Variants in ATP13A1 observed in about 807,000 individuals in gnomAD.
ATP13A1 encodes the protein ATPase 13A1, also known as endoplasmic reticulum transmembrane helix translocase.
Under a neutral mutation model 134.8 loss-of-function variants are expected in ATP13A1, and 55 were observed. That is an observed-to-expected ratio of 0.41 (90% CI 0.33 to 0.51). The LOEUF is 0.51. Ranked by LOEUF, ATP13A1 falls within the 20% of genes least tolerant of loss-of-function variation. The probability of loss-of-function intolerance (pLI) is 0.29; values close to 1 mark genes in which losing one functional copy is unlikely to be tolerated. For synonymous variants in ATP13A1, 775 were observed against 725.1 expected (o/e 1.07, Z -1.10); for missense variants, 1,389 against 1,652.8 (o/e 0.84, Z 2.77).
Position 19,647,619 on chromosome 19 carries a change from C to G in ATP13A1, c.2773G>C (p.Glu925Gln). 1 of 1,613,420 alleles carries G rather than the reference C, an allele frequency of 6.2e-7. No homozygotes were observed. The highest frequency in any genetic ancestry group is 8.5e-7 in the Non-Finnish European group (1 of 1,179,828). The change falls in exon 20 of 26, where the codon GAG becomes CAG. Residue 925 changes from glutamate to glutamine, a missense_variant. Around this residue, in one of 4 missense-constraint regions of ATP13A1, gnomAD observed 121 missense variants for 104.9 expected, o/e 1.15. Coordinates refer to ENST00000357324, the MANE Select transcript of ATP13A1 (RefSeq NM_020410.3). The surrounding 1 kb of genome is among the most constrained non-coding windows in gnomAD (Gnocchi z 4.8). ...KQRSGLPPSEEQPTSQRDRLS... is the reference protein window; with the variant it reads ...KQRSGLPPSEQQPTSQRDRLS... ...CTCACCCTCTGGGAGGTTGGCTGCT[C>G]CTCGGAGGGAGGGAGCCCCGACCGC...
In ATP13A1 at chr19:19,655,342, G is replaced by C. The variant is rs1264135133; in HGVS notation, c.1508C>G (p.Thr503Ser). 2 of 1,613,992 alleles carry C rather than the reference G, an allele frequency of 1.2e-6. No homozygotes were observed. The highest frequency in any genetic ancestry group is 1.1e-5 in the South Asian group (1 of 91,080). The change falls in exon 11 of 26, where the codon ACC becomes AGC. Residue 503 changes from threonine (T) to serine (S), a missense_variant. Physicochemically the swap from Thr to Ser is moderately conservative, Grantham distance 58 (BLOSUM62 1). Around this residue, in one of 4 missense-constraint regions of ATP13A1, gnomAD observed 747 missense variants for 956.1 expected, o/e 0.78. Coordinates refer to ENST00000357324, the MANE Select transcript of ATP13A1 (RefSeq NM_020410.3). This position sits in a 1 kb window ranked among gnomAD's most constrained non-coding sequence, Gnocchi z 5.7. ...GAGCTTGGCCAGGGCGATGAGGGAGGTGTTGACGGCCAGGGACAGCTCGAT... is the reference window on the plus strand; with the variant it reads ...GAGCTTGGCCAGGGCGATGAGGGAGCTGTTGACGGCCAGGGACAGCTCGAT... ...LPIELSLAVN[T>S]SLIALAKLYM...
intron 17 of ATP13A1, chr19:19,651,451 G>C: frequency 2.4e-6 from 1 of 420,880 alleles, no homozygotes; most frequent in Non-Finnish European, 4.3e-6. Flanking sequence ...CTGGCAGTCA[G>C]ACTATCGCCT....
At chr19:19,654,250 G>A (rs1461725720) in intron 13 of ATP13A1, 106 bp from the exon 14 acceptor site, 1 of 1,227,732 alleles carries the variant, frequency 8.1e-7, no homozygotes, top group Non-Finnish European at 1.1e-6. Flanking sequence ...CTCCCCCAGG[G>A]CCTGATCGGG....
chr19:19,653,762 CA>C lies in ATP13A1; in HGVS notation c.2100+21del. 6.5e-7 allele frequency: 1 copy of C among 1,532,512 alleles called. No individual in the cohort carries two copies. The highest frequency in any genetic ancestry group is 8.8e-7 in the Non-Finnish European group (1 of 1,131,350). 94.9% of individuals were successfully genotyped at this position (1,532,512 alleles called of 1,614,324 possible). A position where few individuals can be genotyped will look rare whatever the true frequency, so the allele number is the denominator to read the frequency against. Reference sequence around the variant, plus strand: ...TGACGGGCCAGGCACATGGTGAAGGCAGGGGGAGCCTGGGCCCGTACCTGCT... The same window carrying C: ...TGACGGGCCAGGCACATGGTGAAGGCGGGGGAGCCTGGGCCCGTACCTGCT... On this transcript the variant is annotated intron_variant, in intron 15 of 25. Transcript: ENST00000357324. This position sits in a 1 kb window ranked among gnomAD's most constrained non-coding sequence, Gnocchi z 4.2.
rs1329308606 is a variant in ATP13A1 at position 19,647,880 on chromosome 19, T to A, written c.2633-121A>T. 6 of 1,279,386 alleles carry A rather than the reference T, an allele frequency of 4.7e-6. No individual in the cohort carries two copies. The highest frequency in any genetic ancestry group is 6.3e-6 in the Non-Finnish European group (6 of 952,226). 79.3% of individuals were successfully genotyped at this position (1,279,386 alleles called of 1,614,324 possible). ...GCTCCCGTGAGGACAGTTCCCAGAC[T>A]TCCCCATTTCACCTGACACCCTAAG... On this transcript the variant is annotated intron_variant, in intron 19 of 25. Coordinates refer to ENST00000357324, the MANE Select transcript of ATP13A1 (RefSeq NM_020410.3). The surrounding 1 kb of genome is among the most constrained non-coding windows in gnomAD (Gnocchi z 4.8).
intron 3 of ATP13A1, among the ~76,000 whole-genome samples, chr19:19,658,344 C>T (rs755156874): frequency 4.6e-5 from 7 of 151,970 alleles, no homozygotes; most frequent in Non-Finnish European, 8.8e-5. Flanking sequence ...AAAGAGCAAC[C>T]CCACTGCTAT....
Position 19,654,089 on chromosome 19 carries a change from G to A in ATP13A1, c.1869C>T (p.Arg623=), listed in dbSNP as rs529982287. 1 of 1,592,868 alleles carries A rather than the reference G, an allele frequency of 6.3e-7. No individual in the cohort carries two copies. Among genetic ancestry groups the A allele is most frequent in the Non-Finnish European group, 8.5e-7 (1 of 1,169,860 alleles). The change falls in exon 14 of 26, where the codon CGC becomes CGT. Residue 623 remains arginine (R), a synonymous_variant. Coordinates refer to ENST00000357324, the MANE Select transcript of ATP13A1 (RefSeq NM_020410.3). ...IKTQGLKIHQ[R]FHFASALKRM... is the part of the protein sequence containing the mutation. ...GCTTCAGGGCACTGGCAAAATGAAA[G>A]CGCTGGTGAATTTTCAGCCCCTGAG...
In ATP13A1 at chr19:19,656,181, C is replaced by A; in HGVS notation, c.1086G>T (p.Glu362Asp). The A allele has an allele frequency of 6.2e-7, 1 of 1,600,750 alleles. No individual in the cohort carries two copies. Among genetic ancestry groups the A allele is most frequent in the African/African-American group, 1.3e-5 (1 of 74,632 alleles). The change falls in exon 8 of 26, where the codon GAG (glutamate) becomes GAT (aspartate). Residue 362 changes from glutamate to aspartate, a missense_variant and splice_region_variant. Glu to Asp is a conservative substitution (Grantham distance 45). Transcript: ENST00000357324. This position sits in a 1 kb window ranked among gnomAD's most constrained non-coding sequence, Gnocchi z 4.6. The part of the protein sequence containing the change: ...LTGESVPQMK[E>D]PIEDLSPDRV... The stretch of plus-strand genomic sequence containing the variant: ...GGTCTGGGCTGAGGTCTTCGATGGG[C>A]TCCTGGGGAGGAAGATCGTGAATCT...
intron 2 of ATP13A1, 28 bp downstream of exon 2, chr19:19,659,870 C>G: frequency 6.3e-7 from 1 of 1,588,790 alleles, no homozygotes; most frequent in East Asian, 2.3e-5. Context: ...CAAGCCCCTC[C>G]TCCAGGAGCC....
intron 19 of ATP13A1, among the ~76,000 whole-genome samples, chr19:19,648,042 A>C (rs918495507): frequency 2.0e-5 from 3 of 152,198 alleles, no homozygotes; most frequent in African/African-American, 7.2e-5. Context: ...ATTTTGGCCG[A>C]GCGCAGTGGC....
chr19:19,655,311 C>T lies in ATP13A1; in HGVS notation c.1534+5G>A. On this transcript the variant is annotated splice_donor_5th_base_variant and intron_variant, in intron 11 of 25. Transcript: ENST00000357324. The surrounding 1 kb of genome is among the most constrained non-coding windows in gnomAD (Gnocchi z 5.7). ...TCGGCACCCCATCCCATTTGACACA[C>T]TCACAGAGCTTGGCCAGGGCGATGA... The T allele has an allele frequency of 1.2e-6, 2 of 1,613,986 alleles. No homozygotes were observed. Among genetic ancestry groups the T allele is most frequent in the Non-Finnish European group, 1.7e-6 (2 of 1,179,898 alleles).
intron 3 of ATP13A1, 70 bp downstream of exon 3, chr19:19,659,531 C>A: frequency 7.5e-7 from 1 of 1,325,974 alleles, no homozygotes; most frequent in Non-Finnish European, 1.0e-6. Flanking sequence ...GTCCCGCTTC[C>A]TAGGCACCCT....
chr19:19,662,088 T>C (rs772130691), intron 1 of ATP13A1: 1 of 1,576,502 alleles, frequency 6.3e-7, no homozygotes, highest in Non-Finnish European at 8.6e-7. Context: ...TCCTGGCTGA[T>C]GGCTGTTCAG....
intron 17 of ATP13A1, 125 bp downstream of exon 17, chr19:19,651,564 A>G: frequency 1.5e-6 from 1 of 666,800 alleles, no homozygotes; most frequent in East Asian, 3.0e-5. Flanking sequence ...GGCTGTGATT[A>G]GTGGTGCCAG....
At chr19:19,661,327 CA>C (rs1487200604) in intron 1 of ATP13A1, among the ~76,000 whole-genome samples, 3 of 152,172 alleles carry the variant, frequency 2.0e-5, no homozygotes, top group Non-Finnish European at 4.4e-5. Context: ...CTGCCTCTTC[CA>C]CCAACCCTGC....
chr19:19,653,282 G>A lies in ATP13A1; in HGVS notation c.2100+502C>T, dbSNP rs1205402738. On this transcript the variant is annotated intron_variant, in intron 15 of 25. Coordinates refer to ENST00000357324, the MANE Select transcript of ATP13A1 (RefSeq NM_020410.3). The surrounding 1 kb of genome is among the most constrained non-coding windows in gnomAD (Gnocchi z 4.2). The stretch of plus-strand genomic sequence containing the variant: ...CTGTGTCACTGGGAAGGGGGCTCCA[G>A]GTGCAGGAACGGGGCAGAGCATGCA... 5.6e-6 allele frequency: 1 copy of A among 180,130 alleles called. No homozygotes were observed. Among genetic ancestry groups the A allele is most frequent in the East Asian group, 1.6e-4 (1 of 6,190 alleles). 11.2% of individuals were successfully genotyped at this position (180,130 alleles called of 1,614,324 possible).
At chr19:19,662,115 A>G (rs2145024855) in intron 1 of ATP13A1, 1 of 1,567,372 alleles carries the variant, frequency 6.4e-7, no homozygotes, top group Non-Finnish European at 8.7e-7. Context: ...CCACTTCTCC[A>G]TCCCTGGAGA....
In ATP13A1 at chr19:19,656,254, AGCTGGACCTTGAG is replaced by A; in HGVS notation, c.1084-84_1084-72del. 1 of 1,535,542 alleles carries A rather than the reference AGCTGGACCTTGAG, an allele frequency of 6.5e-7. No individual in the cohort carries two copies. Among genetic ancestry groups the A allele is most frequent in the Non-Finnish European group, 8.8e-7 (1 of 1,142,240 alleles). ...TCCTTCTCCATCTGAGTTCCTGGAC[AGCTGGACCTTGAG>A]GCTGGAATGAGCCAGGGGGATCCCC... On this transcript the variant is annotated intron_variant, in intron 7 of 25. Coordinates refer to ENST00000357324, the MANE Select transcript of ATP13A1 (RefSeq NM_020410.3). This position sits in a 1 kb window ranked among gnomAD's most constrained non-coding sequence, Gnocchi z 4.6.
At chr19:19,659,393 T>C (rs1031077485) in intron 3 of ATP13A1, among the ~76,000 whole-genome samples, 4 of 151,690 alleles carry the variant, frequency 2.6e-5, no homozygotes, top group African/African-American at 9.7e-5. Context: ...GAGGCGGAGG[T>C]TGGGGTGAGC....
Sources: gnomAD v4.1 joint callset for allele counts (sites outside exome capture counted in the v4.1 genomes callset) on GRCh38, gnomAD v4.1.1 for gene constraint, gnomAD v4.1.1 regional missense constraint, Gnocchi (gnomAD v3.1) non-coding constraint, MANE v1.5 for transcripts, NCBI Gene and HGNC (gene_info 2026-07-23, HGNC 2026-07-21) for gene names.